SNTG1: variants seen among roughly 807,000 people sequenced by gnomAD.
The protein encoded by SNTG1 is syntrophin gamma 1.
A neutral mutation model predicts 74.7 loss-of-function variants in SNTG1; 39 were observed. The observed-to-expected ratio is 0.52, with a 90% CI of 0.40 to 0.68. The LOEUF (loss-of-function observed/expected upper bound fraction) is 0.68. Ranked by LOEUF, SNTG1 falls within the 30% of genes least tolerant of loss-of-function variation. The pLI is 0.00. For synonymous variants in SNTG1, 254 were observed against 217.1 expected (o/e 1.17, Z -1.49); for missense variants, 685 against 609.5 (o/e 1.12, Z -1.30).
At chr8:50,235,054 T>A (rs1360947017) in intron 2 of SNTG1, among the ~76,000 whole-genome samples, 1 of 152,026 alleles carries the variant, frequency 6.6e-6, no homozygotes, top group Non-Finnish European at 1.5e-5. Context: ...TTGACAAAAA[T>A]TTAAGAAATG....
At chr8:50,516,174 G>A (rs748277370) in intron 9 of SNTG1, among the ~76,000 whole-genome samples, 3 of 152,148 alleles carry the variant, frequency 2.0e-5, no homozygotes, top group Admixed American at 2.0e-4. Flanking sequence ...TGGACCTCCA[G>A]CAAAATCCAG....
intron 1 of SNTG1, among the ~76,000 whole-genome samples, chr8:50,104,292 G>A (rs987245777): frequency 4.6e-5 from 7 of 152,148 alleles, no homozygotes; most frequent in Non-Finnish European, 7.3e-5. Context: ...AGTCTTGGGA[G>A]GGTGTATGTG....
chr8:50,078,655 A>T (rs763132494), intron 1 of SNTG1, among the ~76,000 whole-genome samples: 13 of 152,052 alleles, frequency 8.5e-5, no homozygotes, highest in Non-Finnish European at 1.9e-4. Flanking sequence ...TCAATCTGTC[A>T]TCTTGGTTTT....
chr8:50,534,214 T>C (rs1032535503), intron 10 of SNTG1, among the ~76,000 whole-genome samples: 1 of 152,182 alleles, frequency 6.6e-6, no homozygotes, highest in African/African-American at 2.4e-5. Flanking sequence ...GAGTGAATCC[T>C]GGGGGTGCCC....
intron 1 of SNTG1, among the ~76,000 whole-genome samples, chr8:49,952,113 C>T (rs2129392769): frequency 6.6e-6 from 1 of 152,218 alleles, no homozygotes; most frequent in Non-Finnish European, 1.5e-5. Flanking sequence ...CATCAACAGA[C>T]TGTTCTTATA....
At chr8:50,362,325 A>G (rs746433253) in intron 2 of SNTG1, among the ~76,000 whole-genome samples, 1 of 152,198 alleles carries the variant, frequency 6.6e-6, no homozygotes, top group Non-Finnish European at 1.5e-5. Flanking sequence ...AAACATATAC[A>G]CAAAACAAAA....
intron 2 of SNTG1, among the ~76,000 whole-genome samples, chr8:50,337,106 C>T (rs2091168071): frequency 6.6e-6 from 1 of 152,206 alleles, no homozygotes; most frequent in Non-Finnish European, 1.5e-5. Context: ...AATCAGGCTG[C>T]TTGTTTCTGC....
chr8:50,620,956 C>T (rs1315106128), intron 13 of SNTG1, among the ~76,000 whole-genome samples: 4 of 152,010 alleles, frequency 2.6e-5, no homozygotes, highest in African/African-American at 9.7e-5. Flanking sequence ...GAGACATAGG[C>T]TATTGCCAGG....
intron 1 of SNTG1, among the ~76,000 whole-genome samples, chr8:49,948,454 T>C (rs1477572528): frequency 1.3e-5 from 2 of 152,244 alleles, no homozygotes; most frequent in Non-Finnish European, 2.9e-5. Flanking sequence ...CCAAATCTGC[T>C]GATTTTTCTC....
intron 1 of SNTG1, among the ~76,000 whole-genome samples, chr8:49,937,107 C>A (rs1019695737): frequency 2.0e-5 from 3 of 152,298 alleles, no homozygotes; most frequent in Non-Finnish European, 1.5e-5. Context: ...CAAGATAGCG[C>A]CACTGCACTC....
chr8:49,993,843 T>C (rs570392315), intron 1 of SNTG1, among the ~76,000 whole-genome samples: 65 of 152,332 alleles, frequency 4.3e-4, no homozygotes, highest in African/African-American at 1.5e-3. Flanking sequence ...TCTTTGTTAT[T>C]GTGTTCTCTG....
At chr8:50,366,266 A>G (rs1347759895) in intron 2 of SNTG1, among the ~76,000 whole-genome samples, 1 of 152,198 alleles carries the variant, frequency 6.6e-6, no homozygotes, top group Non-Finnish European at 1.5e-5. Context: ...GACTAAATCA[A>G]TCAGTATCAG....
At chr8:50,658,696 C>T (rs1029009571) in intron 15 of SNTG1, 33 bp downstream of exon 15, 5 of 1,486,088 alleles carry the variant, frequency 3.4e-6, no homozygotes, top group Admixed American at 3.7e-5. Flanking sequence ...ATTTGAATGG[C>T]TTTTCCTCAG....
At chr8:50,285,054 A>G (rs1224200072) in intron 2 of SNTG1, among the ~76,000 whole-genome samples, 1 of 152,028 alleles carries the variant, frequency 6.6e-6, no homozygotes, top group African/African-American at 2.4e-5. Flanking sequence ...TATTACATTG[A>G]ATTAAGAAGT....
intron 11 of SNTG1, among the ~76,000 whole-genome samples, chr8:50,545,008 C>T (rs926835768): frequency 6.6e-6 from 1 of 151,946 alleles, no homozygotes; most frequent in Non-Finnish European, 1.5e-5. Flanking sequence ...CATTTATCCA[C>T]TGATGGACAG....
rs536725534 is a variant in SNTG1, at chr8:49,958,974, A to G, written c.-103+46743A>G. On this transcript the variant is annotated intron_variant, in intron 1 of 18. Transcript: ENST00000642720. ...AAAGTGTGCTTTTAAGCATAAAATTACATGCTTTTTGATCTGTTAGTTAAT... is the reference window on the plus strand; with the variant it reads ...AAAGTGTGCTTTTAAGCATAAAATTGCATGCTTTTTGATCTGTTAGTTAAT... Among the ~76,000 whole-genome samples, 170 of 152,332 alleles carry G rather than the reference A, an allele frequency of 1.1e-3. 1 individual carries two copies. Among genetic ancestry groups the G allele is most frequent in the African/African-American group, 3.8e-3 (158 of 41,576 alleles).
chr8:50,022,232 G>A (rs372245651), intron 1 of SNTG1, among the ~76,000 whole-genome samples: 2 of 152,112 alleles, frequency 1.3e-5, no homozygotes, highest in Admixed American at 6.5e-5. Flanking sequence ...ACAATGTCTC[G>A]AGACTGCTCT....
chr8:50,629,398 A>AT (rs1312791078), intron 13 of SNTG1, among the ~76,000 whole-genome samples: 3 of 151,962 alleles, frequency 2.0e-5, no homozygotes, highest in African/African-American at 7.2e-5. Context: ...AAATGAGATG[A>AT]TTTTTTTCCA....
chr8:50,742,499 G>A (rs529617243), intron 17 of SNTG1, among the ~76,000 whole-genome samples: 21 of 151,598 alleles, frequency 1.4e-4, no homozygotes, highest in African/African-American at 2.4e-4. Context: ...GAGACAAAGC[G>A]AAAGCAGTAC....
Sources: allele counts gnomAD v4.1 joint callset (sites outside exome capture counted in the v4.1 genomes callset), GRCh38; gene constraint gnomAD v4.1.1; transcripts MANE v1.5; gene names NCBI Gene and HGNC (gene_info 2026-07-23, HGNC 2026-07-21).